JAKMIP1: variants seen among roughly 807,000 people sequenced by gnomAD.
The protein encoded by JAKMIP1 is janus kinase and microtubule-interacting protein 1.
JAKMIP1 carries 33 observed loss-of-function variants against 113.0 expected under a neutral mutation model. That is an observed-to-expected ratio of 0.29 (90% CI 0.22 to 0.39). The LOEUF is 0.39. Among genes scored for constraint, JAKMIP1 ranks in the 10% least tolerant of loss-of-function variants. JAKMIP1 has a pLI of 1.00. For missense variants in JAKMIP1, 813 were observed against 1,080.5 expected (o/e 0.75, Z 3.47); for synonymous variants, 480 against 459.9 (o/e 1.04, Z -0.56).
intron 1 of JAKMIP1, among the ~76,000 whole-genome samples, chr4:6,127,610 C>T (rs188049080): frequency 8.4e-4 from 128 of 152,260 alleles, no homozygotes; most frequent in African/African-American, 2.9e-3. Context: ...GGCCCCGCAC[C>T]GTGTGAAGAG....
At chr4:6,083,474 T>A (rs75792746) in intron 5 of JAKMIP1, among the ~76,000 whole-genome samples, 1 of 152,054 alleles carries the variant, frequency 6.6e-6, no homozygotes, top group Non-Finnish European at 1.5e-5. Flanking sequence ...CAGTCTGATC[T>A]GACATGTTTC....
intron 1 of JAKMIP1, among the ~76,000 whole-genome samples, chr4:6,119,083 GC>G (rs951598318): frequency 1.3e-5 from 2 of 152,166 alleles, no homozygotes; most frequent in African/African-American, 4.8e-5. Flanking sequence ...CAAAGCTGGA[GC>G]GGGGAAGGAC....
At chr4:6,111,415 C>T (rs1714912600) in intron 2 of JAKMIP1, among the ~76,000 whole-genome samples, 1 of 152,222 alleles carries the variant, frequency 6.6e-6, no homozygotes, top group South Asian at 2.1e-4. Context: ...CCTGGGCTTG[C>T]TCTACCCTCA....
At chr4:6,098,929 T>G (rs912768037) in intron 3 of JAKMIP1, among the ~76,000 whole-genome samples, 1 of 152,232 alleles carries the variant, frequency 6.6e-6, no homozygotes, top group Non-Finnish European at 1.5e-5. Context: ...TCATATAGTA[T>G]GTAGCTTTTG....
At chr4:6,152,360 A>T (rs2108986273) in intron 1 of JAKMIP1, among the ~76,000 whole-genome samples, 1 of 152,184 alleles carries the variant, frequency 6.6e-6, no homozygotes, top group South Asian at 2.1e-4. Flanking sequence ...GCATTACCTA[A>T]GCCTGTAGCC....
At position 6,197,304 on chromosome 4, in the gene JAKMIP1, T is replaced by C. The variant is rs1196992146; in HGVS notation, c.-148+2949A>G. Among the ~76,000 whole-genome samples the C allele has an allele frequency of 6.6e-6, 1 of 152,144 alleles. No individual in the cohort carries two copies. The highest frequency in any genetic ancestry group is 1.5e-5 in the Non-Finnish European group (1 of 68,022). ...ACCACAATGGTGGCCACTGCTCTGA[T>C]CATTAGTTTCATCGTTAGCTAAAGA... On this transcript the variant is annotated intron_variant, in intron 1 of 20. Transcript: ENST00000409021. The surrounding 1 kb of genome is among the most constrained non-coding windows in gnomAD (Gnocchi z 6.5).
Position 6,080,464 on chromosome 4 carries a change from A to AC in JAKMIP1, c.1102-153dup. The AC allele has an allele frequency of 1.1e-6, 1 of 908,264 alleles. No homozygotes were observed. Among genetic ancestry groups the AC allele is most frequent in the African/African-American group, 1.7e-5 (1 of 59,070 alleles). 56.3% of individuals were successfully genotyped at this position (908,264 alleles called of 1,614,324 possible). A position where few individuals can be genotyped will look rare whatever the true frequency, so the allele number is the denominator to read the frequency against. The stretch of plus-strand genomic sequence containing the variant: ...CCTGATATGGTTTGGCTGTGTCCCC[A>AC]CCCAAATCTCATCTTGAATTGCGGC... On this transcript the variant is annotated intron_variant, in intron 6 of 20. Coordinates refer to ENST00000409021, the MANE Select transcript of JAKMIP1 (RefSeq NM_001099433.2). The surrounding 1 kb of genome is among the most constrained non-coding windows in gnomAD (Gnocchi z 6.0).
intron 1 of JAKMIP1, among the ~76,000 whole-genome samples, chr4:6,165,027 T>C (rs1330862808): frequency 6.6e-6 from 1 of 152,218 alleles, no homozygotes; most frequent in Non-Finnish European, 1.5e-5. Flanking sequence ...GACTCCAATT[T>C]TGAAAGAAGT....
At chr4:6,189,098 TC>T (rs1409054879) in intron 1 of JAKMIP1, among the ~76,000 whole-genome samples, 1 of 152,194 alleles carries the variant, frequency 6.6e-6, no homozygotes, top group Non-Finnish European at 1.5e-5. Flanking sequence ...AGGTTTGTCT[TC>T]CACAGTGCAT....
intron 20 of JAKMIP1, among the ~76,000 whole-genome samples, chr4:6,028,533 G>C (rs1171667753): frequency 6.6e-6 from 1 of 152,202 alleles, no homozygotes; most frequent in Middle Eastern, 3.2e-3. Context: ...CTGGGCACAT[G>C]GTTTGATTCC....
intron 1 of JAKMIP1, among the ~76,000 whole-genome samples, chr4:6,132,951 A>C (rs1718712905): frequency 6.6e-6 from 1 of 152,184 alleles, no homozygotes; most frequent in Non-Finnish European, 1.5e-5. Context: ...TGCAAGCAGC[A>C]ATTAATTCCC....
rs890682964 is a variant in JAKMIP1 at position 6,157,039 on chromosome 4, T to C, written c.-148+43214A>G. 6.6e-5 allele frequency among the ~76,000 whole-genome samples: 10 copies of C among 152,206 alleles called. No individual in the cohort carries two copies. Among genetic ancestry groups the C allele is most frequent in the Non-Finnish European group, 1.3e-4 (9 of 68,036 alleles). On this transcript the variant is annotated intron_variant, in intron 1 of 20. Coordinates refer to ENST00000409021, the MANE Select transcript of JAKMIP1 (RefSeq NM_001099433.2). This position sits in a 1 kb window ranked among gnomAD's most constrained non-coding sequence, Gnocchi z 4.7. ...GTCATGAGGGCTCTAACCTCATGAATGGATTAATGCCATTATTGCCGGAGT... is the reference window on the plus strand; with the variant it reads ...GTCATGAGGGCTCTAACCTCATGAACGGATTAATGCCATTATTGCCGGAGT...
chr4:6,140,044 A>G lies in JAKMIP1; in HGVS notation c.-147-27047T>C, dbSNP rs372374379. ...AAGAGACCATCCGTTTGTCTTGTGT[A>G]TTCCATGGTACAGCGGCCCTAGGAA... On this transcript the variant is annotated intron_variant, in intron 1 of 20. Coordinates refer to ENST00000409021, the MANE Select transcript of JAKMIP1 (RefSeq NM_001099433.2). This position sits in a 1 kb window ranked among gnomAD's most constrained non-coding sequence, Gnocchi z 9.4. Among the ~76,000 whole-genome samples, 2 of 152,106 alleles carry G rather than the reference A, an allele frequency of 1.3e-5. No individual in the cohort carries two copies. Among genetic ancestry groups the G allele is most frequent in the East Asian group, 3.9e-4 (2 of 5,170 alleles).
intron 1 of JAKMIP1, among the ~76,000 whole-genome samples, chr4:6,177,017 G>A (rs1725417541): frequency 6.6e-6 from 1 of 152,116 alleles, no homozygotes; most frequent in South Asian, 2.1e-4. Flanking sequence ...CTGGGTGACA[G>A]AGTAAGACCC....
intron 1 of JAKMIP1, among the ~76,000 whole-genome samples, chr4:6,134,833 TC>T (rs1333760384): frequency 6.6e-6 from 1 of 151,246 alleles, no homozygotes; most frequent in Non-Finnish European, 1.5e-5. Flanking sequence ...ACATCCTCTC[TC>T]CCCCACCAGA....
rs1376110371 is a variant in JAKMIP1 at position 6,162,191 on chromosome 4, C to G, written c.-148+38062G>C. 6.6e-6 allele frequency among the ~76,000 whole-genome samples: 1 copy of G among 152,146 alleles called. No homozygotes were observed. The highest frequency in any genetic ancestry group is 1.5e-5 in the Non-Finnish European group (1 of 68,014). On this transcript the variant is annotated intron_variant, in intron 1 of 20. Transcript: ENST00000409021. This position sits in a 1 kb window ranked among gnomAD's most constrained non-coding sequence, Gnocchi z 5.6. ...GGCTGTGAGCTTGGACCTCGTCCCA[C>G]TAGAGGGCAGTGGGAGCGACTGCAG...
rs1198447097 is a variant in JAKMIP1 at position 6,089,658 on chromosome 4, A to G, written c.625-4029T>C. 6.6e-6 allele frequency among the ~76,000 whole-genome samples: 1 copy of G among 152,184 alleles called. No homozygotes were observed. ...AGCAGTCAAGTCCACCAGGAAATGT[A>G]TCTTAGTGAAAACAAGCCCACTGAC... On this transcript the variant is annotated intron_variant, in intron 3 of 20. Transcript: ENST00000409021. This position sits in a 1 kb window ranked among gnomAD's most constrained non-coding sequence, Gnocchi z 5.3.
Position 6,077,616 on chromosome 4 carries a change from A to C in JAKMIP1, c.1302+1323T>G, listed in dbSNP as rs1328901573. On this transcript the variant is annotated intron_variant, in intron 8 of 20. Coordinates refer to ENST00000409021, the MANE Select transcript of JAKMIP1 (RefSeq NM_001099433.2). ...GTCCTCCTGCTTCAGCCTCCAAAGT[A>C]GCTGGGACTTCAGGTGCCACCACAT... is the stretch of plus-strand genomic sequence containing the variant. 2.7e-5 allele frequency among the ~76,000 whole-genome samples: 4 copies of C among 150,490 alleles called. 1 individual carries two copies. The highest frequency in any genetic ancestry group is 4.4e-5 in the Non-Finnish European group (3 of 67,854).
At chr4:6,078,724 T>C (rs533557411) in intron 8 of JAKMIP1, among the ~76,000 whole-genome samples, 138 of 152,262 alleles carry the variant, frequency 9.1e-4, no homozygotes, top group African/African-American at 3.3e-3. Context: ...CAGGAAGTTT[T>C]CCATGAATAA....
Sources: gnomAD v4.1 joint callset for allele counts (sites outside exome capture counted in the v4.1 genomes callset) on GRCh38, gnomAD v4.1.1 for gene constraint, Gnocchi (gnomAD v3.1) non-coding constraint, MANE v1.5 for transcripts, NCBI Gene and HGNC (gene_info 2026-07-23, HGNC 2026-07-21) for gene names.